GID4: variants seen among roughly 807,000 people sequenced by gnomAD.
GID4 encodes glucose-induced degradation protein 4 homolog.
A neutral mutation model predicts 32.4 loss-of-function variants in GID4; 7 were observed. The ratio of observed to expected loss-of-function variants is 0.22; its 90% CI spans 0.12 to 0.41. The LOEUF (loss-of-function observed/expected upper bound fraction) is 0.41. Among genes scored for constraint, GID4 ranks in the 10% least tolerant of loss-of-function variants. The pLI is 1.00. For synonymous variants in GID4, 166 were observed against 170.0 expected (o/e 0.98, Z 0.18); for missense variants, 309 against 400.0 (o/e 0.77, Z 1.94).
chr17:18,057,155 G>C, intron 3 of GID4: 3 of 1,241,194 alleles, frequency 2.4e-6, no homozygotes, highest in Non-Finnish European at 3.3e-6. Context: ...TGTGACACCA[G>C]GTGTGGTGGC....
At chr17:18,054,403 T>A (rs566466645) in intron 3 of GID4, among the ~76,000 whole-genome samples, 169 bp downstream of exon 3, 1 of 152,262 alleles carries the variant, frequency 6.6e-6, no homozygotes, top group Admixed American at 6.5e-5. Flanking sequence ...ATGAGGACAG[T>A]TTAAATACGA....
At chr17:18,040,107 C>T (rs1021976343) in intron 1 of GID4, among the ~76,000 whole-genome samples, 2 of 152,090 alleles carry the variant, frequency 1.3e-5, no homozygotes, top group African/African-American at 4.8e-5. Context: ...GGACCCAGAG[C>T]CCGTCGTGAC....
chr17:18,055,937 C>T lies in GID4; in HGVS notation c.606+1703C>T, dbSNP rs978250743. On this transcript the variant is annotated intron_variant, in intron 3 of 5. Coordinates refer to ENST00000268719, the MANE Select transcript of GID4 (RefSeq NM_024052.5). ...CACTGCAACCTCTGCTCACTGCAACCTCCGCCTCCCAGATTCAAGTGATTC... is the reference window on the plus strand; with the variant it reads ...CACTGCAACCTCTGCTCACTGCAACTTCCGCCTCCCAGATTCAAGTGATTC... Among the ~76,000 whole-genome samples, 9 of 152,216 alleles carry T rather than the reference C, an allele frequency of 5.9e-5. No individual in the cohort carries two copies. The East Asian group carries it at 7.7e-4, about 13-fold the overall frequency.
chr17:18,039,550 C>A lies in GID4; in HGVS notation c.86C>A (p.Pro29Gln). The A allele has an allele frequency of 1.5e-6, 2 of 1,306,988 alleles. No homozygotes were observed. The highest frequency in any genetic ancestry group is 1.9e-6 in the Non-Finnish European group (2 of 1,032,494). The allele number at this position is 1,306,988 out of a possible 1,614,324, so 81.0% of individuals were successfully genotyped here. The change falls in exon 1 of 6, where the codon CCG becomes CAG. Residue 29 changes from proline to glutamine, a missense_variant. Transcript: ENST00000268719. The surrounding 1 kb of genome is among the most constrained non-coding windows in gnomAD (Gnocchi z 5.3). Reference sequence around the variant, plus strand: ...CAGGTCCCTGGGTCCCGGTGGCGGCCGGAGCGCTTGCTCCGCAGGCAGCGG... The same window carrying A: ...CAGGTCCCTGGGTCCCGGTGGCGGCAGGAGCGCTTGCTCCGCAGGCAGCGG... ...CSQVPGSRWRPERLLRRQRAG... is the reference protein window; with the variant it reads ...CSQVPGSRWRQERLLRRQRAG...
intron 1 of GID4, among the ~76,000 whole-genome samples, chr17:18,042,645 A>T (rs569642492): frequency 4.7e-4 from 72 of 152,286 alleles, no homozygotes; most frequent in Non-Finnish European, 1.0e-4. Context: ...TTTTATGTGG[A>T]TGTATATTTC....
chr17:18,039,975 C>A lies in GID4; in HGVS notation c.438+73C>A. On this transcript the variant is annotated intron_variant, in intron 1 of 5. Coordinates refer to ENST00000268719, the MANE Select transcript of GID4 (RefSeq NM_024052.5). This position sits in a 1 kb window ranked among gnomAD's most constrained non-coding sequence, Gnocchi z 5.3. ...ACGGGCCGTGCCCGCTTCGGCTCCT[C>A]GACCCCGCAGCCGCGGAACAGGCCC... The A allele has an allele frequency of 7.9e-7, 1 of 1,273,642 alleles. No homozygotes were observed. The highest frequency in any genetic ancestry group is 9.9e-7 in the Non-Finnish European group (1 of 1,006,004). 78.9% of individuals were successfully genotyped at this position (1,273,642 alleles called of 1,614,324 possible). A position where few individuals can be genotyped will look rare whatever the true frequency, so the allele number is the denominator to read the frequency against.
At position 18,056,631 on chromosome 17, in the gene GID4, G is replaced by A. The variant is rs776501586; in HGVS notation, c.607-2237G>A. On this transcript the variant is annotated intron_variant, in intron 3 of 5. Transcript: ENST00000268719. ...AGTCTTTGAGGCCCAGTGACACTCA[G>A]TTTTAGGCTAGGTTGACTACAAATT... is the stretch of plus-strand genomic sequence containing the variant. 4.5e-4 allele frequency: 663 copies of A among 1,471,610 alleles called. 3 individuals carry two copies. The highest frequency in any genetic ancestry group is 4.5e-4 in the Non-Finnish European group (487 of 1,091,582). 91.2% of individuals were successfully genotyped at this position (1,471,610 alleles called of 1,614,324 possible). A position where few individuals can be genotyped will look rare whatever the true frequency, so the allele number is the denominator to read the frequency against.
intron 2 of GID4, among the ~76,000 whole-genome samples, chr17:18,046,129 T>G (rs1383846927): frequency 6.6e-6 from 1 of 152,200 alleles, no homozygotes; most frequent in Non-Finnish European, 1.5e-5. Context: ...TGGACCTAGC[T>G]GCAGGGGGCC....
chr17:18,047,525 G>T (rs1450820684), intron 2 of GID4, among the ~76,000 whole-genome samples: 3 of 152,244 alleles, frequency 2.0e-5, no homozygotes, highest in Admixed American at 6.5e-5. Flanking sequence ...CCTTCCTTTA[G>T]GAAGCCCCCG....
chr17:18,058,760 T>TA, intron 3 of GID4, 108 bp from the exon 4 acceptor site: 1 of 694,036 alleles, frequency 1.4e-6, no homozygotes, highest in Non-Finnish European at 2.6e-6. Context: ...GCCACGTCCC[T>TA]AGCTGTCATG....
intron 5 of GID4, among the ~76,000 whole-genome samples, chr17:18,064,877 G>A (rs1185152646): frequency 1.1e-4 from 16 of 151,908 alleles, no homozygotes; most frequent in Non-Finnish European, 2.2e-4. Flanking sequence ...CTTGGGCGTG[G>A]GTCTCCATCT....
chr17:18,059,118 G>A (rs1332655854), intron 4 of GID4, 149 bp downstream of exon 4: 16 of 590,796 alleles, frequency 2.7e-5, no homozygotes, highest in African/African-American at 9.3e-5. Flanking sequence ...GTCTTTGCAC[G>A]CCTATAAAAA....
chr17:18,057,865 G>T (rs866669375), intron 3 of GID4, among the ~76,000 whole-genome samples: 18 of 150,844 alleles, frequency 1.2e-4, no homozygotes, highest in African/African-American at 4.4e-4. Flanking sequence ...ACAGAGTCTC[G>T]CTCTGTTGCC....
chr17:18,056,150 C>T (rs1465564736), intron 3 of GID4, among the ~76,000 whole-genome samples: 1 of 152,226 alleles, frequency 6.6e-6, no homozygotes, highest in Non-Finnish European at 1.5e-5. Context: ...CCACCATGCC[C>T]AGCCCCAAGC....
intron 2 of GID4, among the ~76,000 whole-genome samples, chr17:18,051,630 G>T (rs150551527): frequency 6.6e-6 from 1 of 150,772 alleles, no homozygotes; most frequent in Non-Finnish European, 1.5e-5. Flanking sequence ...AGCCAAGGTT[G>T]TACCACTGCA....
chr17:18,065,127 G>C, intron 5 of GID4, 53 bp from the exon 6 acceptor site: 1 of 1,350,496 alleles, frequency 7.4e-7, no homozygotes, highest in Non-Finnish European at 1.1e-6. Flanking sequence ...AATGTCCTTT[G>C]CTCAGGGTGC....
At chr17:18,056,758 G>T in intron 3 of GID4, 1 of 1,550,606 alleles carries the variant, frequency 6.4e-7, no homozygotes, top group South Asian at 1.2e-5. Context: ...GAAACATTTT[G>T]GGTGAGAGAG....
intron 1 of GID4, among the ~76,000 whole-genome samples, chr17:18,044,911 A>G (rs1055227921): frequency 2.0e-5 from 3 of 152,204 alleles, no homozygotes; most frequent in Non-Finnish European, 4.4e-5. Context: ...AAGACACTTC[A>G]GTCTCATGAT....
chr17:18,057,065 G>A, intron 3 of GID4: 1 of 1,531,394 alleles, frequency 6.5e-7, no homozygotes, highest in East Asian at 2.5e-5. Flanking sequence ...ATTTTCCTGA[G>A]TGGTATTTAA....
Sources: allele counts gnomAD v4.1 joint callset (sites outside exome capture counted in the v4.1 genomes callset), GRCh38; gene constraint gnomAD v4.1.1; non-coding constraint Gnocchi (gnomAD v3.1); transcripts MANE v1.5; gene names NCBI Gene and HGNC (gene_info 2026-07-23, HGNC 2026-07-21).